Variants in ITGA9 observed in about 807,000 individuals in gnomAD.
The protein encoded by ITGA9 is integrin subunit alpha 9.
A neutral mutation model predicts 127.8 loss-of-function variants in ITGA9; 56 were observed. The ratio of observed to expected loss-of-function variants is 0.44; its 90% CI spans 0.35 to 0.55. The LOEUF (loss-of-function observed/expected upper bound fraction) is 0.55. Ranked by LOEUF, ITGA9 falls within the 20% of genes least tolerant of loss-of-function variation. ITGA9 has a pLI of 0.00. For missense variants in ITGA9, 1,196 were observed against 1,347.1 expected, an observed-to-expected ratio of 0.89 and a Z score of 1.76; for synonymous variants, 508 against 514.5, an observed-to-expected ratio of 0.99 and a Z score of 0.17.
chr3:37,730,703 G>A (rs1359235064), intron 18 of ITGA9, among the ~76,000 whole-genome samples: 3 of 152,202 alleles, frequency 2.0e-5, no homozygotes, highest in South Asian at 2.1e-4. Flanking sequence ...CTCAGGGCGC[G>A]TTCTGAATCC....
intron 27 of ITGA9, among the ~76,000 whole-genome samples, chr3:37,817,402 C>G (rs1697448605): frequency 6.6e-6 from 1 of 152,106 alleles, no homozygotes; most frequent in Non-Finnish European, 1.5e-5. Flanking sequence ...GGGATTGAAA[C>G]AATGATTTGA....
intron 18 of ITGA9, among the ~76,000 whole-genome samples, chr3:37,710,654 T>C (rs1482505431): frequency 2.0e-5 from 3 of 152,188 alleles, no homozygotes; most frequent in Non-Finnish European, 4.4e-5. Context: ...ACTGGGATCC[T>C]TTAGGAGCTG....
At chr3:37,531,030 C>T (rs1321981400) in intron 13 of ITGA9, among the ~76,000 whole-genome samples, 2 of 151,990 alleles carry the variant, frequency 1.3e-5, no homozygotes, top group Admixed American at 6.6e-5. Flanking sequence ...GGATTACAGG[C>T]GTGAGCCACC....
At chr3:37,607,255 A>T (rs111403436) in intron 15 of ITGA9, among the ~76,000 whole-genome samples, 3 of 152,220 alleles carry the variant, frequency 2.0e-5, no homozygotes, top group African/African-American at 7.2e-5. Flanking sequence ...GGGTGGATGG[A>T]TGAGCTAATA....
In ITGA9 at chr3:37,743,970, C is replaced by T. The variant is rs1696469130; in HGVS notation, c.2369C>T (p.Ala790Val). Reference sequence around the variant, plus strand: ...TTTGTATATGGCGAGTCCGTGGACGCAGCCAACTTCATTCAGCTGGATGAC... The same window carrying T: ...TTTGTATATGGCGAGTCCGTGGACGTAGCCAACTTCATTCAGCTGGATGAC... ...TSFVYGESVD[A>V]ANFIQLDDLE... Residue 790 changes from alanine (A) to valine (V), a missense_variant, in exon 22 of 28, where the codon GCA (alanine) becomes GTA (valine). By Grantham distance (64) the Ala-to-Val change is moderately conservative. Transcript: ENST00000264741. 1.2e-6 allele frequency: 2 copies of T among 1,614,118 alleles called. No individual in the cohort carries two copies. Among genetic ancestry groups the T allele is most frequent in the South Asian group, 1.1e-5 (1 of 91,086 alleles).
intron 15 of ITGA9, among the ~76,000 whole-genome samples, chr3:37,576,844 C>T (rs947916525): frequency 7.9e-5 from 12 of 152,238 alleles, no homozygotes; most frequent in Admixed American, 6.5e-4. Flanking sequence ...AGTGATCCAC[C>T]TACCTCGGCC....
chr3:37,573,856 G>A (rs536768071), intron 15 of ITGA9, among the ~76,000 whole-genome samples: 18 of 152,250 alleles, frequency 1.2e-4, no homozygotes, highest in African/African-American at 4.1e-4. Context: ...GGGATGCCGG[G>A]TCATGCATTC....
At chr3:37,741,939 C>T (rs527399781) in intron 21 of ITGA9, 120 bp downstream of exon 21, 8 of 766,246 alleles carry the variant, frequency 1.0e-5, no homozygotes, top group Admixed American at 2.0e-5. Context: ...TCCACTTCCT[C>T]CCAGCCTTGA....
chr3:37,772,015 G>A (rs1172764325), intron 23 of ITGA9, among the ~76,000 whole-genome samples: 1 of 152,162 alleles, frequency 6.6e-6, no homozygotes, highest in Non-Finnish European at 1.5e-5. Context: ...GCAGCTGTGT[G>A]ACGTGTGTCC....
At chr3:37,607,368 A>G (rs867039237) in intron 15 of ITGA9, among the ~76,000 whole-genome samples, 10 of 152,210 alleles carry the variant, frequency 6.6e-5, no homozygotes, top group South Asian at 2.1e-4. Context: ...AAGTGCAGAT[A>G]GGGAAACAGT....
At chr3:37,628,836 G>T (rs574244553) in intron 15 of ITGA9, among the ~76,000 whole-genome samples, 207 of 152,292 alleles carry the variant, frequency 1.4e-3, no homozygotes, top group Non-Finnish European at 2.2e-3. Context: ...AATGCAAAGG[G>T]TTAGCAGAGT....
In ITGA9 at chr3:37,806,439, T is replaced by C. The variant is rs1039781417; in HGVS notation, c.3009+2497T>C. On this transcript the variant is annotated intron_variant, in intron 27 of 27. Coordinates refer to ENST00000264741, the MANE Select transcript of ITGA9 (RefSeq NM_002207.3). The surrounding 1 kb of genome is among the most constrained non-coding windows in gnomAD (Gnocchi z 4.3). ...GGGGAGTGTTGTGGCCGTGCCCCACTTCCCCTTATAGTCTGCATGCCCTCC... is the reference window on the plus strand; with the variant it reads ...GGGGAGTGTTGTGGCCGTGCCCCACCTCCCCTTATAGTCTGCATGCCCTCC... 2.0e-5 allele frequency: 3 copies of C among 152,282 alleles called. No individual in the cohort carries two copies. Among genetic ancestry groups the C allele is most frequent in the Non-Finnish European group, 2.9e-5 (2 of 68,132 alleles). 9.4% of individuals were successfully genotyped at this position (152,282 alleles called of 1,614,324 possible).
chr3:37,714,648 G>A (rs1459271382), intron 18 of ITGA9, among the ~76,000 whole-genome samples: 1 of 152,174 alleles, frequency 6.6e-6, no homozygotes, highest in African/African-American at 2.4e-5. Flanking sequence ...TCAAAGCGTG[G>A]TCTCCTGACC....
chr3:37,702,936 C>T (rs1023139769), intron 18 of ITGA9, among the ~76,000 whole-genome samples: 8 of 152,148 alleles, frequency 5.3e-5, no homozygotes, highest in African/African-American at 1.9e-4. Context: ...GTCACATGGT[C>T]GCCCTGTCCC....
chr3:37,752,139 G>T (rs1044378371), intron 23 of ITGA9, among the ~76,000 whole-genome samples: 2 of 152,200 alleles, frequency 1.3e-5, no homozygotes, highest in African/African-American at 4.8e-5. Flanking sequence ...TAAAGCCCTC[G>T]GCAAGGGCCT....
chr3:37,810,458 C>G (rs1196618705), intron 27 of ITGA9, among the ~76,000 whole-genome samples: 1 of 151,876 alleles, frequency 6.6e-6, no homozygotes, highest in Non-Finnish European at 1.5e-5. Flanking sequence ...CTCTGTCACC[C>G]AGGCTGGAGT....
At chr3:37,752,551 T>C (rs188037344) in intron 23 of ITGA9, among the ~76,000 whole-genome samples, 5 of 152,298 alleles carry the variant, frequency 3.3e-5, no homozygotes, top group African/African-American at 1.2e-4. Context: ...CCTCAAATTG[T>C]TTCTCCCTCT....
intron 18 of ITGA9, among the ~76,000 whole-genome samples, chr3:37,701,902 CCA>C (rs1031066895): frequency 1.9e-4 from 29 of 152,306 alleles, no homozygotes; most frequent in African/African-American, 6.7e-4. Flanking sequence ...AGGCCTCCAA[CCA>C]CACAGGCCAT....
chr3:37,554,193 C>G (rs1436828571), intron 15 of ITGA9, among the ~76,000 whole-genome samples: 3 of 151,972 alleles, frequency 2.0e-5, no homozygotes, highest in Non-Finnish European at 4.4e-5. Context: ...AAAATAGAGC[C>G]CAGTGAAGCG....
Sources: allele counts gnomAD v4.1 joint callset (sites outside exome capture counted in the v4.1 genomes callset), GRCh38; gene constraint gnomAD v4.1.1; non-coding constraint Gnocchi (gnomAD v3.1); transcripts MANE v1.5; gene names NCBI Gene and HGNC (gene_info 2026-07-23, HGNC 2026-07-21).